ADCY5: variants seen among roughly 807,000 people sequenced by gnomAD.
The protein encoded by ADCY5 is adenylate cyclase type 5.
In ADCY5, 30 loss-of-function variants were observed where a neutral mutation model predicts 119.7. The ratio of observed to expected loss-of-function variants is 0.25; its 90% CI spans 0.19 to 0.34. The LOEUF (loss-of-function observed/expected upper bound fraction) is 0.34. ADCY5 is among the 10% of genes least tolerant of loss of function. The pLI is 1.00. For synonymous variants in ADCY5, 753 were observed against 762.2 expected, an observed-to-expected ratio of 0.99 and a Z score of 0.20; for missense variants, 1,324 against 1,775.2, an observed-to-expected ratio of 0.75 and a Z score of 4.57.
At chr3:123,408,227 G>A (rs1018044992) in intron 1 of ADCY5, among the ~76,000 whole-genome samples, 3 of 152,038 alleles carry the variant, frequency 2.0e-5, no homozygotes, top group African/African-American at 4.8e-5. Context: ...GAACATGGTC[G>A]TAACACGTAT....
At position 123,413,303 on chromosome 3, in the gene ADCY5, C is replaced by T. The variant is rs868039101; in HGVS notation, c.1134+34109G>A. 2.0e-5 allele frequency among the ~76,000 whole-genome samples: 3 copies of T among 152,340 alleles called. 1 individual carries two copies. The South Asian group carries it at 6.2e-4, about 32-fold the overall frequency. On this transcript the variant is annotated intron_variant, in intron 1 of 20. Coordinates refer to ENST00000462833, the MANE Select transcript of ADCY5 (RefSeq NM_183357.3). The stretch of plus-strand genomic sequence containing the variant: ...AACCCTAAACTGAAGCAGGCAGGAG[C>T]ACTTCCCGTCCCTGACCAGAGAGAT...
intron 5 of ADCY5, among the ~76,000 whole-genome samples, 173 bp downstream of exon 5, chr3:123,330,716 A>T (rs561406203): frequency 1.3e-5 from 2 of 152,374 alleles, no homozygotes; most frequent in South Asian, 2.1e-4. Flanking sequence ...ACCCTGGAGA[A>T]GGCAGAAAGT....
intron 1 of ADCY5, among the ~76,000 whole-genome samples, chr3:123,424,013 T>C (rs998327441): frequency 1.3e-5 from 2 of 152,242 alleles, no homozygotes; most frequent in African/African-American, 4.8e-5. Context: ...ATGCTGGCCT[T>C]TGAGCATCCC....
At chr3:123,361,660 A>C (rs1389670679) in intron 1 of ADCY5, among the ~76,000 whole-genome samples, 1 of 152,180 alleles carries the variant, frequency 6.6e-6, no homozygotes, top group Non-Finnish European at 1.5e-5. Context: ...CAGGCTGAGA[A>C]TCCTTTATCC....
chr3:123,425,283 G>A (rs1945381764), intron 1 of ADCY5, among the ~76,000 whole-genome samples: 1 of 152,156 alleles, frequency 6.6e-6, no homozygotes, highest in African/African-American at 2.4e-5. Context: ...GCCTCACCTA[G>A]ACACTCACTT....
chr3:123,424,004 T>G (rs1038744993), intron 1 of ADCY5, among the ~76,000 whole-genome samples: 5 of 152,230 alleles, frequency 3.3e-5, no homozygotes, highest in Admixed American at 3.3e-4. Context: ...TGTGGTTCCA[T>G]GCTGGCCTTT....
chr3:123,373,097 G>C (rs1185335599), intron 1 of ADCY5, among the ~76,000 whole-genome samples: 3 of 152,176 alleles, frequency 2.0e-5, no homozygotes, highest in Non-Finnish European at 4.4e-5. Context: ...GCTAGGCTGG[G>C]GCCAAGTCTC....
intron 17 of ADCY5, among the ~76,000 whole-genome samples, chr3:123,295,650 C>T (rs149863325): frequency 1.2e-3 from 176 of 152,298 alleles, no homozygotes; most frequent in African/African-American, 3.3e-3. Flanking sequence ...CCTACCCTGG[C>T]CAGGTTCCTC....
intron 1 of ADCY5, among the ~76,000 whole-genome samples, chr3:123,377,736 C>T (rs1329901120): frequency 6.6e-6 from 1 of 152,118 alleles, no homozygotes; most frequent in African/African-American, 2.4e-5. Context: ...GTGCTTAGCA[C>T]AATGCCAACC....
chr3:123,297,496 G>A lies in ADCY5; in HGVS notation c.2901-114C>T, dbSNP rs903141339. The A allele has an allele frequency of 5.8e-6, 7 of 1,213,978 alleles. No individual in the cohort carries two copies. The African/African-American group carries it at 1.0e-4, about 18-fold the overall frequency. The allele number at this position is 1,213,978 out of a possible 1,614,324, so 75.2% of individuals were successfully genotyped here. On this transcript the variant is annotated intron_variant, in intron 15 of 20. Transcript: ENST00000462833. ...CTGTCCCCACCACTGCTGCTCCTTG[G>A]CTCCCCAGCCCCATTCACCCTCCAT... is the stretch of plus-strand genomic sequence containing the variant.
intron 2 of ADCY5, among the ~76,000 whole-genome samples, chr3:123,350,359 G>A (rs763078739): frequency 4.6e-5 from 7 of 152,214 alleles, no homozygotes; most frequent in African/African-American, 7.2e-5. Context: ...GTTCTCTGTG[G>A]GTCGGTCTGG....
At chr3:123,296,881 C>T (rs1939547247) in intron 16 of ADCY5, 1 of 978,722 alleles carries the variant, frequency 1.0e-6, no homozygotes. Context: ...AGAGCTCAAC[C>T]CCTGGAAGGC....
chr3:123,441,215 A>G (rs951127008), intron 1 of ADCY5, among the ~76,000 whole-genome samples: 1 of 152,226 alleles, frequency 6.6e-6, no homozygotes, highest in Non-Finnish European at 1.5e-5. Context: ...ATAGAGATCC[A>G]TTCCTGGGCC....
Position 123,448,221 on chromosome 3 carries a change from C to A in ADCY5, c.325G>T (p.Asp109Tyr), listed in dbSNP as rs754662303. The stretch of plus-strand genomic sequence containing the variant: ...CGGCGGCTGCCGCGACCGCAGTCGT[C>A]GCCGCCGCGCTCCTGCCAGGCGGAC... Reference protein sequence around the residue: ...SKSAWQERGGDDCGRGSRRQR... With the variant: ...SKSAWQERGGYDCGRGSRRQR... Residue 109 changes from aspartate to tyrosine, a missense_variant, in exon 1 of 21, where the codon GAC becomes TAC. By Grantham distance (160) the Asp-to-Tyr change is radical (BLOSUM62 -3). Transcript: ENST00000462833. 27 of 1,335,316 alleles carry A rather than the reference C, an allele frequency of 2.0e-5. No homozygotes were observed. In the African/African-American group the frequency reaches 4.1e-4, roughly 20 times the overall value. 82.7% of individuals were successfully genotyped at this position (1,335,316 alleles called of 1,614,324 possible).
chr3:123,379,001 GCC>G (rs1943936413), intron 1 of ADCY5, among the ~76,000 whole-genome samples: 3 of 152,018 alleles, frequency 2.0e-5, no homozygotes, highest in Admixed American at 1.3e-4. Flanking sequence ...TGTGGAAAAG[GCC>G]CATTTTGTCA....
chr3:123,441,482 A>C (rs1945719983), intron 1 of ADCY5, among the ~76,000 whole-genome samples: 1 of 152,078 alleles, frequency 6.6e-6, no homozygotes, highest in African/African-American at 2.4e-5. Flanking sequence ...CTGCAAACCC[A>C]ATGGCTAGAA....
intron 1 of ADCY5, among the ~76,000 whole-genome samples, chr3:123,423,610 C>G (rs547202609): frequency 2.0e-5 from 3 of 152,286 alleles, no homozygotes; most frequent in East Asian, 3.9e-4. Flanking sequence ...TGAGGACAGA[C>G]AAGCCCCTGC....
rs149654858 is a variant in ADCY5 at position 123,335,319 on chromosome 3, G to A, written c.1407-2644C>T. ...GGTGTGTCTCCTCCTCGTGGGAACT[G>A]TGAGTGACAATCTTAGCAGCAGTCC... On this transcript the variant is annotated intron_variant, in intron 3 of 20. Coordinates refer to ENST00000462833, the MANE Select transcript of ADCY5 (RefSeq NM_183357.3). Among the ~76,000 whole-genome samples, 1,141 of 152,288 alleles carry A rather than the reference G, an allele frequency of 7.5e-3. 11 individuals carry two copies. Among genetic ancestry groups the A allele is most frequent in the African/African-American group, 0.025 (1,050 of 41,558 alleles).
At chr3:123,344,451 G>A (rs1454548087) in intron 3 of ADCY5, among the ~76,000 whole-genome samples, 1 of 152,140 alleles carries the variant, frequency 6.6e-6, no homozygotes, top group Non-Finnish European at 1.5e-5. Context: ...ACTATGCTAA[G>A]CACTTTCCCC....
Sources: gnomAD v4.1 joint callset for allele counts (sites outside exome capture counted in the v4.1 genomes callset) on GRCh38, gnomAD v4.1.1 for gene constraint, MANE v1.5 for transcripts, NCBI Gene and HGNC (gene_info 2026-07-23, HGNC 2026-07-21) for gene names.